Variants in GRM1 observed in about 807,000 individuals in gnomAD.
The protein encoded by GRM1 is glutamate metabotropic receptor 1.
GRM1 carries 33 observed loss-of-function variants against 90.9 expected under a neutral mutation model. The observed-to-expected ratio is 0.36, with a 90% CI of 0.28 to 0.49. The LOEUF (loss-of-function observed/expected upper bound fraction) is 0.49. GRM1 is among the 20% of genes least tolerant of loss of function. The pLI is 0.99. For missense variants in GRM1, 1,190 were observed against 1,534.3 expected, an observed-to-expected ratio of 0.78 and a Z score of 3.75; for synonymous variants, 700 against 613.2, an observed-to-expected ratio of 1.14 and a Z score of -2.09.
chr6:146,282,779 C>T (rs1030513587), intron 2 of GRM1, among the ~76,000 whole-genome samples: 3 of 152,152 alleles, frequency 2.0e-5, no homozygotes, highest in African/African-American at 7.2e-5. Flanking sequence ...TGTTAGGTCT[C>T]ATTATGAATC....
At chr6:146,144,836 T>C (rs1777028318) in intron 1 of GRM1, among the ~76,000 whole-genome samples, 1 of 152,196 alleles carries the variant, frequency 6.6e-6, no homozygotes, top group Non-Finnish European at 1.5e-5. Flanking sequence ...TAGAGGTTGG[T>C]TTAGTGATTA....
intron 1 of GRM1, among the ~76,000 whole-genome samples, chr6:146,123,351 G>C (rs1776072038): frequency 6.6e-6 from 1 of 152,144 alleles, no homozygotes; most frequent in Non-Finnish European, 1.5e-5. Flanking sequence ...TAATTTTAGA[G>C]CAGCTTTGTA....
chr6:146,183,456 G>A (rs986058488), intron 2 of GRM1, among the ~76,000 whole-genome samples: 1 of 152,122 alleles, frequency 6.6e-6, no homozygotes, highest in Non-Finnish European at 1.5e-5. Flanking sequence ...TAGGATTGTG[G>A]TGAGGGTCAA....
intron 2 of GRM1, among the ~76,000 whole-genome samples, chr6:146,283,945 A>G (rs950188812): frequency 6.6e-6 from 1 of 152,236 alleles, no homozygotes; most frequent in Non-Finnish European, 1.5e-5. Context: ...TTTAAAAATT[A>G]TAAGTACTTC....
intron 2 of GRM1, among the ~76,000 whole-genome samples, chr6:146,201,254 T>C (rs781049515): frequency 3.7e-4 from 56 of 152,212 alleles, no homozygotes; most frequent in Non-Finnish European, 6.8e-4. Context: ...TGCTTTTCTT[T>C]GGTCAAGAGA....
At chr6:146,115,600 T>G (rs2128875290) in intron 1 of GRM1, among the ~76,000 whole-genome samples, 1 of 152,310 alleles carries the variant, frequency 6.6e-6, no homozygotes, top group South Asian at 2.1e-4. Flanking sequence ...CTTAATTACA[T>G]AAATATATAA....
intron 2 of GRM1, among the ~76,000 whole-genome samples, chr6:146,222,170 T>C (rs1034716646): frequency 1.3e-5 from 2 of 152,198 alleles, no homozygotes; most frequent in African/African-American, 2.4e-5. Flanking sequence ...TTAAGTATTA[T>C]GTACAATTGT....
intron 1 of GRM1, among the ~76,000 whole-genome samples, chr6:146,034,098 A>G (rs1790799744): frequency 6.6e-6 from 1 of 152,054 alleles, no homozygotes; most frequent in Non-Finnish European, 1.5e-5. Context: ...CCACGCTCAA[A>G]GCTTTCTAAT....
At position 146,368,696 on chromosome 6, in the gene GRM1, T is replaced by A. The variant is rs148208673; in HGVS notation, c.1602+11002T>A. Among the ~76,000 whole-genome samples the A allele has an allele frequency of 9.3e-4, 142 of 152,160 alleles. 1 individual carries two copies. The highest frequency in any genetic ancestry group is 3.1e-3 in the African/African-American group (130 of 41,552). On this transcript the variant is annotated intron_variant, in intron 5 of 7. Coordinates refer to ENST00000282753, the MANE Select transcript of GRM1 (RefSeq NM_001278064.2). ...ACCATCCTTGAATCCCTGAGATAAA[T>A]CCCAATGGATTGTAGTTAAAAATCT...
chr6:146,058,911 C>T (rs970714955), intron 1 of GRM1, among the ~76,000 whole-genome samples: 9 of 152,110 alleles, frequency 5.9e-5, no homozygotes, highest in Admixed American at 1.3e-4. Context: ...ATCACATCTT[C>T]AGCCTCCACT....
Position 146,398,838 on chromosome 6 carries a change from C to T in GRM1, c.1799C>T (p.Ser600Leu). The change falls in exon 7 of 8, where the codon TCA (serine) becomes TTA (leucine). Residue 600 changes from serine (S) to leucine (L), a missense_variant. Ser to Leu is a moderately radical substitution (Grantham distance 145). Around this residue, in one of 10 missense-constraint regions of GRM1, gnomAD observed 414 missense variants for 598.4 expected, o/e 0.69. Transcript: ENST00000282753. Reference sequence around the variant, plus strand: ...GAATCCATTATAGCCATCGCCTTTTCATGCCTGGGAATCCTTGTTACCTTG... The same window carrying T: ...GAATCCATTATAGCCATCGCCTTTTTATGCCTGGGAATCCTTGTTACCTTG... Reference protein sequence around the residue: ...NIESIIAIAFSCLGILVTLFV... With the variant: ...NIESIIAIAFLCLGILVTLFV... 1 of 1,613,824 alleles carries T rather than the reference C, an allele frequency of 6.2e-7. No individual in the cohort carries two copies. The highest frequency in any genetic ancestry group is 8.5e-7 in the Non-Finnish European group (1 of 1,179,716).
chr6:146,065,776 T>C (rs1775824955), intron 1 of GRM1, among the ~76,000 whole-genome samples: 1 of 152,154 alleles, frequency 6.6e-6, no homozygotes, highest in Non-Finnish European at 1.5e-5. Context: ...GCAACAGATG[T>C]CCACTCCCTA....
intron 1 of GRM1, among the ~76,000 whole-genome samples, chr6:146,106,191 A>G (rs976327680): frequency 6.6e-6 from 1 of 152,204 alleles, no homozygotes; most frequent in Non-Finnish European, 1.5e-5. Context: ...GTAAAATGTG[A>G]TTAGAACACC....
intron 2 of GRM1, among the ~76,000 whole-genome samples, chr6:146,169,365 C>A (rs1181315579): frequency 6.6e-6 from 1 of 152,126 alleles, no homozygotes; most frequent in Non-Finnish European, 1.5e-5. Flanking sequence ...TAATGTCCTT[C>A]TCTGTCTTGC....
At chr6:146,269,210 A>T (rs1782023937) in intron 2 of GRM1, among the ~76,000 whole-genome samples, 1 of 152,194 alleles carries the variant, frequency 6.6e-6, no homozygotes, top group South Asian at 2.1e-4. Context: ...TTATCAATTG[A>T]CCTATAAAAT....
intron 1 of GRM1, among the ~76,000 whole-genome samples, chr6:146,088,501 A>G (rs1283420495): frequency 6.6e-6 from 1 of 152,142 alleles, no homozygotes; most frequent in Non-Finnish European, 1.5e-5. Context: ...ATAATTTTCC[A>G]GAACCCAGTG....
chr6:146,028,372 AG>A (rs1365263403), upstream of GRM1, among the ~76,000 whole-genome samples: 2 of 151,926 alleles, frequency 1.3e-5, no homozygotes, highest in African/African-American at 4.8e-5. Context: ...AGGCCCTGCC[AG>A]GGAATGTCTG....
At chr6:146,166,774 C>A (rs1485780616) in intron 2 of GRM1, among the ~76,000 whole-genome samples, 1 of 152,076 alleles carries the variant, frequency 6.6e-6, no homozygotes, top group Non-Finnish European at 1.5e-5. Flanking sequence ...CTGAATTGTT[C>A]CTTAAGTTAG....
chr6:146,236,839 A>G (rs1780663606), intron 2 of GRM1, among the ~76,000 whole-genome samples: 1 of 152,028 alleles, frequency 6.6e-6, no homozygotes, highest in Non-Finnish European at 1.5e-5. Flanking sequence ...GGCCCAATAG[A>G]GACATTCTCA....
Sources: allele counts gnomAD v4.1 joint callset (sites outside exome capture counted in the v4.1 genomes callset), GRCh38; gene constraint gnomAD v4.1.1; regional missense constraint gnomAD v4.1.1; transcripts MANE v1.5; gene names NCBI Gene and HGNC (gene_info 2026-07-23, HGNC 2026-07-21).